The following GRIP2 variants were observed in gnomAD, a reference collection of about 807,000 sequenced individuals.
GRIP2 encodes the protein glutamate receptor-interacting protein 2.
Under a neutral mutation model 108.3 loss-of-function variants are expected in GRIP2, and 58 were observed. The ratio of observed to expected loss-of-function variants is 0.54; its 90% CI spans 0.43 to 0.67. GRIP2 has a LOEUF of 0.67. GRIP2 is among the 30% of genes least tolerant of loss of function. GRIP2 has a pLI of 0.00. For synonymous variants in GRIP2, 586 were observed against 598.2 expected (o/e 0.98, Z 0.30); for missense variants, 1,278 against 1,430.6 (o/e 0.89, Z 1.72).
chr3:14,509,351 CT>C (rs1436892604), intron 17 of GRIP2, among the ~76,000 whole-genome samples: 1 of 152,264 alleles, frequency 6.6e-6, no homozygotes, highest in African/African-American at 2.4e-5. Flanking sequence ...CCACCTCACC[CT>C]GGGACAGGGC....
intron 20 of GRIP2, chr3:14,503,994 G>T: frequency 2.8e-6 from 1 of 363,440 alleles, no homozygotes; most frequent in Non-Finnish European, 5.1e-6. Context: ...AACAGACAGA[G>T]AGGAGATCCA....
chr3:14,511,401 C>T lies in GRIP2; in HGVS notation c.1787+12G>A. 6.2e-7 allele frequency: 1 copy of T among 1,614,026 alleles called. No homozygotes were observed. The highest frequency in any genetic ancestry group is 8.5e-7 in the Non-Finnish European group (1 of 1,179,882). ...GTTGGCCACTTCCCTTCCTGTGCCCCAGTGCCCCTACCTGTGTGCCACGCT... is the reference window on the plus strand; with the variant it reads ...GTTGGCCACTTCCCTTCCTGTGCCCTAGTGCCCCTACCTGTGTGCCACGCT... On this transcript the variant is annotated intron_variant, in intron 15 of 23. Coordinates refer to ENST00000621039, the MANE Select transcript of GRIP2 (RefSeq NM_001080423.4). This position sits in a 1 kb window ranked among gnomAD's most constrained non-coding sequence, Gnocchi z 4.1.
chr3:14,525,292 C>T (rs1694522842), intron 3 of GRIP2, 145 bp downstream of exon 3: 1 of 977,406 alleles, frequency 1.0e-6, no homozygotes, highest in African/African-American at 1.6e-5. Context: ...GGCCTTCCCT[C>T]TGCAGACACC....
intron 23 of GRIP2, among the ~76,000 whole-genome samples, 195 bp downstream of exon 23, chr3:14,494,648 G>A (rs1488350643): frequency 1.3e-5 from 2 of 152,218 alleles, no homozygotes; most frequent in Non-Finnish European, 2.9e-5. Flanking sequence ...ATGGGCATGG[G>A]GTGTAAGAAG....
the GRIP2 span, among the ~76,000 whole-genome samples, chr3:14,594,110 C>T: frequency 2.0e-5 from 3 of 152,208 alleles, no homozygotes; most frequent in Non-Finnish European, 4.4e-5. Flanking sequence ...CCTGGGATGG[C>T]CCTGAAGAGA....
At position 14,512,068 on chromosome 3, in the gene GRIP2, G is replaced by C. The variant is rs1694113013; in HGVS notation, c.1721-589C>G. Among the ~76,000 whole-genome samples the C allele has an allele frequency of 6.6e-6, 1 of 152,238 alleles. No individual in the cohort carries two copies. Among genetic ancestry groups the C allele is most frequent in the Non-Finnish European group, 1.5e-5 (1 of 68,046 alleles). On this transcript the variant is annotated intron_variant, in intron 14 of 23. Transcript: ENST00000621039. This position sits in a 1 kb window ranked among gnomAD's most constrained non-coding sequence, Gnocchi z 5.1. ...AATGTTCAGTCAGGTGGTCGGGGAA[G>C]GCCTTGTCAAGTGACATTTGGGCAA...
At chr3:14,532,737 G>A (rs1052186619) in intron 1 of GRIP2, among the ~76,000 whole-genome samples, 1 of 151,732 alleles carries the variant, frequency 6.6e-6, no homozygotes, top group Non-Finnish European at 1.5e-5. Context: ...TGACTTAAGG[G>A]CTGGGCGCAG....
the GRIP2 span, among the ~76,000 whole-genome samples, chr3:14,567,012 A>G: frequency 6.6e-6 from 1 of 151,716 alleles, no homozygotes; most frequent in Non-Finnish European, 1.5e-5. Context: ...GTGGCTCCCA[A>G]AGGACTCACT....
the GRIP2 span, among the ~76,000 whole-genome samples, chr3:14,561,485 A>T: frequency 6.6e-6 from 1 of 152,238 alleles, no homozygotes; most frequent in Non-Finnish European, 1.5e-5. Flanking sequence ...AAGGTGGCCA[A>T]GCCAGGATTC....
upstream of GRIP2, among the ~76,000 whole-genome samples, chr3:14,560,131 A>G (rs1695297270): frequency 6.6e-6 from 1 of 151,836 alleles, no homozygotes. Flanking sequence ...GTGCATGCCT[A>G]TAGTCCCAGC....
intron 16 of GRIP2, among the ~76,000 whole-genome samples, 175 bp downstream of exon 16, chr3:14,510,990 G>A (rs1435071176): frequency 6.6e-6 from 1 of 152,124 alleles, no homozygotes; most frequent in Non-Finnish European, 1.5e-5. Flanking sequence ...CAGACGCCGG[G>A]GACAGTGAGA....
At chr3:14,589,254 C>T in the GRIP2 span, among the ~76,000 whole-genome samples, 1 of 152,110 alleles carries the variant, frequency 6.6e-6, no homozygotes, top group African/African-American at 2.4e-5. Flanking sequence ...GTACAATATA[C>T]CTCGTGATAA....
chr3:14,562,154 C>T, the GRIP2 span, among the ~76,000 whole-genome samples: 2 of 152,282 alleles, frequency 1.3e-5, no homozygotes, highest in South Asian at 4.1e-4. Flanking sequence ...GGGGCTGGTC[C>T]CCCCAGAACC....
intron 12 of GRIP2, 112 bp downstream of exon 12, chr3:14,514,180 G>T: frequency 9.9e-7 from 1 of 1,010,434 alleles, no homozygotes; most frequent in Non-Finnish European, 1.4e-6. Flanking sequence ...GGCTGGTGCT[G>T]GGGCTGATGC....
chr3:14,586,650 C>T, the GRIP2 span, among the ~76,000 whole-genome samples: 4 of 152,136 alleles, frequency 2.6e-5, no homozygotes, highest in Non-Finnish European at 4.4e-5. Flanking sequence ...GATTATGTGG[C>T]CCTTAAAAAT....
the GRIP2 span, among the ~76,000 whole-genome samples, chr3:14,568,344 G>A: frequency 5.3e-5 from 8 of 152,154 alleles, no homozygotes; most frequent in African/African-American, 1.4e-4. Flanking sequence ...GCAGCCAGTC[G>A]TGGACATGTT....
the GRIP2 span, chr3:14,572,761 G>A: frequency 1.8e-6 from 1 of 565,824 alleles, no homozygotes; most frequent in African/African-American, 1.9e-5. Flanking sequence ...CATGGAGCAG[G>A]TGACTCCTGG....
intron 22 of GRIP2, 22 bp from the exon 23 acceptor site, chr3:14,495,011 G>A (rs756211749): frequency 1.9e-6 from 3 of 1,611,916 alleles, no homozygotes; most frequent in East Asian, 4.5e-5. Context: ...AGGAGGAGGA[G>A]GTTCCTGGAA....
At chr3:14,546,530 G>A (rs1445385961), upstream of GRIP2, among the ~76,000 whole-genome samples, 1 of 152,192 alleles carries the variant, frequency 6.6e-6, no homozygotes, top group Non-Finnish European at 1.5e-5. Context: ...GAGCATCAAA[G>A]CTCCTCTAAT....
Sources: gnomAD v4.1 joint callset for allele counts (sites outside exome capture counted in the v4.1 genomes callset) on GRCh38, gnomAD v4.1.1 for gene constraint, Gnocchi (gnomAD v3.1) non-coding constraint, MANE v1.5 for transcripts, NCBI Gene and HGNC (gene_info 2026-07-23, HGNC 2026-07-21) for gene names.